Variants in PPP3CA observed in about 807,000 individuals in gnomAD.
The protein encoded by PPP3CA is protein phosphatase 3 catalytic subunit alpha, also known as CAM-PRP catalytic subunit.
Under a neutral mutation model 66.5 loss-of-function variants are expected in PPP3CA, and 14 were observed. The ratio of observed to expected loss-of-function variants is 0.21; its 90% CI spans 0.14 to 0.33. The LOEUF (loss-of-function observed/expected upper bound fraction) is 0.33, where lower values mean the gene tolerates loss of function less well. Among genes scored for constraint, PPP3CA ranks in the 10% least tolerant of loss-of-function variants. The pLI is 1.00. For missense variants in PPP3CA, 317 were observed against 639.5 expected (o/e 0.50, Z 5.44); for synonymous variants, 232 against 226.2 (o/e 1.03, Z -0.23).
chr4:101,323,742 G>A (rs887076345), intron 1 of PPP3CA, among the ~76,000 whole-genome samples: 2 of 152,138 alleles, frequency 1.3e-5, no homozygotes, highest in Admixed American at 6.5e-5. Flanking sequence ...TCTAACTACT[G>A]TATGCATATA....
intron 1 of PPP3CA, among the ~76,000 whole-genome samples, chr4:101,311,192 CCTCTTCTCTTACACTCCTATCATTTTT>C (rs1728710917): frequency 1.3e-5 from 2 of 152,110 alleles, no homozygotes; most frequent in Admixed American, 1.3e-4. Flanking sequence ...ATTTAATTTT[CCTCTTCTCTTACACTCCTATCATTTTT>C]CTCTTCTCTG....
chr4:101,342,004 A>G (rs1257260076), intron 1 of PPP3CA, among the ~76,000 whole-genome samples: 1 of 152,180 alleles, frequency 6.6e-6, no homozygotes, highest in African/African-American at 2.4e-5. Context: ...ATTTACACAT[A>G]GCTGACACAA....
At chr4:101,210,606 C>T (rs1463281114) in intron 1 of PPP3CA, among the ~76,000 whole-genome samples, 1 of 152,106 alleles carries the variant, frequency 6.6e-6, no homozygotes, top group Non-Finnish European at 1.5e-5. Flanking sequence ...TCCTAATCAT[C>T]CCTATTCAAA....
chr4:101,053,676 A>G (rs1728104775), intron 10 of PPP3CA, among the ~76,000 whole-genome samples: 1 of 152,058 alleles, frequency 6.6e-6, no homozygotes, highest in Non-Finnish European at 1.5e-5. Flanking sequence ...TGCCTGTAAC[A>G]GAACTCATCT....
intron 2 of PPP3CA, among the ~76,000 whole-genome samples, chr4:101,169,949 A>G (rs1723821301): frequency 6.6e-6 from 1 of 152,160 alleles, no homozygotes; most frequent in African/African-American, 2.4e-5. Flanking sequence ...TATATTTTGA[A>G]TTTAGGCAGC....
chr4:101,289,715 G>T (rs1431717313), intron 1 of PPP3CA, among the ~76,000 whole-genome samples: 1 of 151,890 alleles, frequency 6.6e-6, no homozygotes, highest in African/African-American at 2.4e-5. Flanking sequence ...TATATGTGAG[G>T]TTGTTTTTAA....
intron 6 of PPP3CA, among the ~76,000 whole-genome samples, chr4:101,088,884 G>A (rs2110245364): frequency 6.6e-6 from 1 of 152,234 alleles, no homozygotes. Flanking sequence ...GATGACTGGT[G>A]GTGATTTCAA....
In PPP3CA at chr4:101,312,542, C is replaced by T. The variant is rs141605423; in HGVS notation, c.58+34197G>A. ...TCTTTTTACATTCTTACAGAACATT[C>T]ACAAATTATCTTTATTGTCAGACTG... On this transcript the variant is annotated intron_variant, in intron 1 of 13. Transcript: ENST00000394854. Among the ~76,000 whole-genome samples, 453 of 151,992 alleles carry T rather than the reference C, an allele frequency of 3.0e-3. 4 individuals carry two copies. Among genetic ancestry groups the T allele is most frequent in the African/African-American group, 0.01 (430 of 41,506 alleles).
chr4:101,079,063 G>T (rs1017460981), intron 8 of PPP3CA, among the ~76,000 whole-genome samples: 1 of 152,178 alleles, frequency 6.6e-6, no homozygotes, highest in Non-Finnish European at 1.5e-5. Context: ...AAGACCGTAT[G>T]GCAACAGCAA....
intron 10 of PPP3CA, among the ~76,000 whole-genome samples, chr4:101,055,636 A>T (rs1296256401): frequency 6.6e-6 from 1 of 152,134 alleles, no homozygotes; most frequent in Non-Finnish European, 1.5e-5. Flanking sequence ...GCTAACGAAG[A>T]GAGAATCATG....
At chr4:101,242,868 C>A (rs1478335686) in intron 1 of PPP3CA, among the ~76,000 whole-genome samples, 3 of 152,108 alleles carry the variant, frequency 2.0e-5, no homozygotes, top group Admixed American at 2.0e-4. Flanking sequence ...TTGGAGGCTG[C>A]AGTAAGCTAT....
chr4:101,113,079 A>G (rs1721726996), intron 2 of PPP3CA, among the ~76,000 whole-genome samples: 1 of 152,168 alleles, frequency 6.6e-6, no homozygotes, highest in African/African-American at 2.4e-5. Context: ...AAAGGCCTTC[A>G]ACTTATCTGA....
At chr4:101,144,584 G>C (rs754000548) in intron 2 of PPP3CA, among the ~76,000 whole-genome samples, 3 of 152,166 alleles carry the variant, frequency 2.0e-5, no homozygotes, top group Middle Eastern at 3.4e-3. Context: ...AATTGTTCTT[G>C]CTTTACACAT....
At chr4:101,111,636 A>C (rs899268784) in intron 2 of PPP3CA, among the ~76,000 whole-genome samples, 2 of 152,090 alleles carry the variant, frequency 1.3e-5, no homozygotes, top group African/African-American at 4.8e-5. Flanking sequence ...CTGGATCCAC[A>C]CTACCGAGGC....
intron 3 of PPP3CA, among the ~76,000 whole-genome samples, chr4:101,106,402 AAAGAAAG>A (rs1730690044): frequency 2.3e-4 from 2 of 8,630 alleles, no homozygotes; most frequent in African/African-American, 7.2e-4. Flanking sequence ...AGAAAGAAAG[AAAGAAAG>A]AAAGAAAGAA....
intron 2 of PPP3CA, among the ~76,000 whole-genome samples, chr4:101,184,275 G>A (rs1321744135): frequency 6.6e-6 from 1 of 152,190 alleles, no homozygotes; most frequent in African/African-American, 2.4e-5. Context: ...CAGGTCCTGA[G>A]ATGGTATACT....
At chr4:101,133,767 A>T (rs1018803974) in intron 2 of PPP3CA, among the ~76,000 whole-genome samples, 10 of 152,350 alleles carry the variant, frequency 6.6e-5, no homozygotes, top group South Asian at 6.2e-4. Flanking sequence ...CATGGAACCA[A>T]AAAAGAGCCC....
intron 1 of PPP3CA, among the ~76,000 whole-genome samples, chr4:101,312,895 T>C (rs189587586): frequency 6.6e-6 from 1 of 152,280 alleles, no homozygotes; most frequent in Non-Finnish European, 1.5e-5. Context: ...ATCTTTGACA[T>C]ATCAACATTC....
intron 3 of PPP3CA, among the ~76,000 whole-genome samples, chr4:101,101,593 G>A (rs1012521482): frequency 6.6e-6 from 1 of 151,994 alleles, no homozygotes; most frequent in African/African-American, 2.4e-5. Flanking sequence ...TGCTGGGGGA[G>A]AGAATACATG....
Sources: gnomAD v4.1 joint callset for allele counts (sites outside exome capture counted in the v4.1 genomes callset) on GRCh38, gnomAD v4.1.1 for gene constraint, MANE v1.5 for transcripts, NCBI Gene and HGNC (gene_info 2026-07-23, HGNC 2026-07-21) for gene names.